Variants in SLCO3A1 observed in about 807,000 individuals in gnomAD.
SLCO3A1 encodes the protein solute carrier organic anion transporter family member 3A1, also known as PGE1 transporter.
In SLCO3A1, 27 loss-of-function variants were observed where a neutral mutation model predicts 63.1. That is an observed-to-expected ratio of 0.43 (90% CI 0.32 to 0.59). The LOEUF (loss-of-function observed/expected upper bound fraction) is 0.59. SLCO3A1 is among the 20% of genes least tolerant of loss of function. The pLI, the probability that SLCO3A1 is intolerant of heterozygous loss-of-function variation, is 0.09. For synonymous variants in SLCO3A1, 473 were observed against 409.9 expected (o/e 1.15, Z -1.86); for missense variants, 773 against 945.8 (o/e 0.82, Z 2.40).
At chr15:92,029,841 C>G (rs2046624510) in intron 2 of SLCO3A1, among the ~76,000 whole-genome samples, 1 of 115,808 alleles carries the variant, frequency 8.6e-6, no homozygotes, top group African/African-American at 3.5e-5. Context: ...ACTCTTCCGT[C>G]TCACGTTATG....
At position 92,118,970 on chromosome 15, in the gene SLCO3A1, CTACT is replaced by C. The variant is rs2047828424; in HGVS notation, c.1010-1489_1010-1486del. On this transcript the variant is annotated intron_variant, in intron 4 of 9. Transcript: ENST00000318445. ...GACTTCTCTTTAAATAACTTTAAAT[CTACT>C]TACTTTTTGTAGCCTAGCAGTGTCT... Among the ~76,000 whole-genome samples the C allele has an allele frequency of 2.0e-5, 3 of 152,304 alleles. No individual in the cohort carries two copies. In the South Asian group the frequency reaches 6.2e-4, roughly 32 times the overall value.
intron 3 of SLCO3A1, among the ~76,000 whole-genome samples, chr15:92,103,721 C>A (rs1190317535): frequency 6.6e-6 from 1 of 151,958 alleles, no homozygotes; most frequent in Non-Finnish European, 1.5e-5. Flanking sequence ...AGAGTTCAAA[C>A]CACTGGCCTA....
At chr15:91,959,873 C>T (rs1020126352) in intron 2 of SLCO3A1, among the ~76,000 whole-genome samples, 2 of 152,148 alleles carry the variant, frequency 1.3e-5, no homozygotes, top group Admixed American at 1.3e-4. Context: ...CTAGCAATCA[C>T]TTTCATTATG....
At chr15:92,128,105 C>G (rs1226528606) in intron 6 of SLCO3A1, among the ~76,000 whole-genome samples, 10 of 152,174 alleles carry the variant, frequency 6.6e-5, no homozygotes. Context: ...ACCCAGCCCA[C>G]CACCCAAGCT....
At position 92,165,880 on chromosome 15, in the gene SLCO3A1, G is replaced by T. The variant is rs1330052695; in HGVS notation, c.*2745G>T. On this transcript the variant is annotated 3_prime_UTR_variant, in exon 10 of 10. Transcript: ENST00000318445. ...ATTTACAGAATACAAAAATGTACGG[G>T]ATGGAATAAACCTAGAAAGTGAATG... 1.0e-6 allele frequency: 1 copy of T among 985,210 alleles called. No individual in the cohort carries two copies. The highest frequency in any genetic ancestry group is 1.7e-5 in the African/African-American group (1 of 57,206). 61.0% of individuals were successfully genotyped at this position (985,210 alleles called of 1,614,324 possible). A position where few individuals can be genotyped will look rare whatever the true frequency, so the allele number is the denominator to read the frequency against.
rs927031822 is a variant in SLCO3A1 at position 91,995,606 on chromosome 15, G to T, written c.646+79148G>T. ...TGTGAGGTCTGCAGAAGTCCCTAGTGGGGAGAGCAGACAGAGCCTTGGATG... is the reference window on the plus strand; with the variant it reads ...TGTGAGGTCTGCAGAAGTCCCTAGTTGGGAGAGCAGACAGAGCCTTGGATG... On this transcript the variant is annotated intron_variant, in intron 2 of 9. Transcript: ENST00000318445. Among the ~76,000 whole-genome samples, 4 of 152,098 alleles carry T rather than the reference G, an allele frequency of 2.6e-5. No individual in the cohort carries two copies. The South Asian group carries it at 6.2e-4, about 24-fold the overall frequency.
intron 2 of SLCO3A1, among the ~76,000 whole-genome samples, chr15:92,043,958 T>C (rs74030424): frequency 0.01 from 1,575 of 152,284 alleles, 25 homozygotes; most frequent in African/African-American, 0.036. Context: ...TTCCAACATA[T>C]TCTGCATGCT....
chr15:92,121,028 G>C (rs1303754170), intron 5 of SLCO3A1, among the ~76,000 whole-genome samples: 1 of 152,070 alleles, frequency 6.6e-6, no homozygotes, highest in East Asian at 1.9e-4. Context: ...GAGCTTGGAA[G>C]CCATACACTC....
chr15:91,882,945 A>G lies in SLCO3A1; in HGVS notation c.180+28857A>G, dbSNP rs1421454201. The stretch of plus-strand genomic sequence containing the variant: ...GAGATGTAATATCACCTTGTTCTTT[A>G]AGAAGTTGGTTGGGCTGCTCTATTA... On this transcript the variant is annotated intron_variant, in intron 1 of 9. Transcript: ENST00000318445. This position sits in a 1 kb window ranked among gnomAD's most constrained non-coding sequence, Gnocchi z 4.4. Among the ~76,000 whole-genome samples, 4 of 152,176 alleles carry G rather than the reference A, an allele frequency of 2.6e-5. No individual in the cohort carries two copies. Among genetic ancestry groups the G allele is most frequent in the African/African-American group, 9.7e-5 (4 of 41,448 alleles).
chr15:91,876,113 TG>T (rs1374317030), intron 1 of SLCO3A1, among the ~76,000 whole-genome samples: 5 of 152,232 alleles, frequency 3.3e-5, no homozygotes, highest in African/African-American at 1.2e-4. Flanking sequence ...TAGACTAGCC[TG>T]GGCAACATGG....
intron 9 of SLCO3A1, among the ~76,000 whole-genome samples, chr15:92,157,766 A>G (rs1288593085): frequency 3.9e-5 from 6 of 152,204 alleles, no homozygotes; most frequent in Non-Finnish European, 7.3e-5. Flanking sequence ...CAAAAGCCAA[A>G]CAGCAGCAAG....
In SLCO3A1 at chr15:91,979,478, C is replaced by T. The variant is rs550303816; in HGVS notation, c.646+63020C>T. On this transcript the variant is annotated intron_variant, in intron 2 of 9. Transcript: ENST00000318445. ...GGATTTCAGACTGGGGATGCTCAAC[C>T]TGTATAAATAACCTTAGCGTGTTGT... Among the ~76,000 whole-genome samples the T allele has an allele frequency of 6.6e-5, 10 of 152,298 alleles. No individual in the cohort carries two copies. The South Asian group carries it at 2.1e-3, about 32-fold the overall frequency.
Position 91,950,349 on chromosome 15 carries a change from A to G in SLCO3A1, c.646+33891A>G, listed in dbSNP as rs57583649. On this transcript the variant is annotated intron_variant, in intron 2 of 9. Coordinates refer to ENST00000318445, the MANE Select transcript of SLCO3A1 (RefSeq NM_013272.4). The surrounding 1 kb of genome is among the most constrained non-coding windows in gnomAD (Gnocchi z 4.4). ...GACAGCCAGTCGTGTTGCACGTGGG[A>G]CAGGGGCCCTGGCTGGGCAGGCAGG... Among the ~76,000 whole-genome samples the G allele has an allele frequency of 0.092, 14,064 of 152,064 alleles. 707 individuals carry two copies. The highest frequency in any genetic ancestry group is 0.1 in the African/African-American group (4,353 of 41,470).
chr15:91,969,703 T>C (rs1597170567), intron 2 of SLCO3A1, among the ~76,000 whole-genome samples: 2 of 152,334 alleles, frequency 1.3e-5, no homozygotes, highest in East Asian at 1.9e-4. Context: ...GAATTCCTTT[T>C]CTGGTAGAAG....
intron 2 of SLCO3A1, among the ~76,000 whole-genome samples, chr15:92,062,103 C>T (rs539629323): frequency 6.6e-6 from 1 of 152,350 alleles, no homozygotes; most frequent in South Asian, 2.1e-4. Flanking sequence ...ACCCTGAACA[C>T]TGGGGAAATC....
rs961794843 is a variant in SLCO3A1 at position 91,886,707 on chromosome 15, C to T, written c.181-29286C>T. On this transcript the variant is annotated intron_variant, in intron 1 of 9. Transcript: ENST00000318445. The surrounding 1 kb of genome is among the most constrained non-coding windows in gnomAD (Gnocchi z 4.9). The stretch of plus-strand genomic sequence containing the variant: ...AAGACTTCACACTGACTACATCAAT[C>T]TGAATAATCGAGCTCAACTCCAGAC... Among the ~76,000 whole-genome samples the T allele has an allele frequency of 4.6e-5, 7 of 152,218 alleles. 1 individual carries two copies. Among genetic ancestry groups the T allele is most frequent in the Non-Finnish European group, 7.3e-5 (5 of 68,048 alleles).
In SLCO3A1 at chr15:92,116,893, GA is replaced by G. The variant is rs370495099; in HGVS notation, c.1010-3563del. Among the ~76,000 whole-genome samples the G allele has an allele frequency of 2.5e-3, 382 of 150,738 alleles. 4 individuals are homozygous for G. Among genetic ancestry groups the G allele is most frequent in the African/African-American group, 8.8e-3 (362 of 41,068 alleles). On this transcript the variant is annotated intron_variant, in intron 4 of 9. Coordinates refer to ENST00000318445, the MANE Select transcript of SLCO3A1 (RefSeq NM_013272.4). ...TGGAGGCAAGTTGCCTTGGTAGAGG[GA>G]AAAAAAAAGAATGTTCTTCATGCAA...
chr15:91,858,662 C>T (rs567975564), intron 1 of SLCO3A1, among the ~76,000 whole-genome samples: 120 of 152,300 alleles, frequency 7.9e-4, no homozygotes, highest in Non-Finnish European at 1.2e-3. Context: ...AATCAATTGC[C>T]CAGCATTTGC....
chr15:91,946,881 A>G (rs1337929456), intron 2 of SLCO3A1, among the ~76,000 whole-genome samples: 1 of 152,146 alleles, frequency 6.6e-6, no homozygotes, highest in Non-Finnish European at 1.5e-5. Context: ...AGCCAACGGA[A>G]CCTGCCATTG....
Sources: gnomAD v4.1 joint callset for allele counts (sites outside exome capture counted in the v4.1 genomes callset) on GRCh38, gnomAD v4.1.1 for gene constraint, Gnocchi (gnomAD v3.1) non-coding constraint, MANE v1.5 for transcripts, NCBI Gene and HGNC (gene_info 2026-07-23, HGNC 2026-07-21) for gene names.